CACNB2: variants seen among roughly 807,000 people sequenced by gnomAD.
The protein encoded by CACNB2 is voltage-dependent L-type calcium channel subunit beta-2.
Under a neutral mutation model 73.3 loss-of-function variants are expected in CACNB2, and 42 were observed. The observed-to-expected ratio is 0.57, with a 90% CI of 0.45 to 0.74. CACNB2 has a LOEUF of 0.74. Among genes scored for constraint, CACNB2 ranks in the 30% least tolerant of loss-of-function variants. The pLI is 0.00. For synonymous variants in CACNB2, 348 were observed against 310.3 expected, an observed-to-expected ratio of 1.12 and a Z score of -1.28; for missense variants, 940 against 853.0, an observed-to-expected ratio of 1.10 and a Z score of -1.27.
intron 3 of CACNB2, among the ~76,000 whole-genome samples, chr10:18,469,916 C>A (rs564915789): frequency 6.6e-6 from 1 of 152,228 alleles, no homozygotes; most frequent in East Asian, 1.9e-4. Flanking sequence ...CCAATAAGTC[C>A]TGGGATCTTG....
At chr10:18,144,946 G>C (rs1401449800) in intron 1 of CACNB2, among the ~76,000 whole-genome samples, 1 of 152,160 alleles carries the variant, frequency 6.6e-6, no homozygotes, top group Non-Finnish European at 1.5e-5. Context: ...TTGGGTGAAC[G>C]GGAAGCAGGT....
At chr10:18,340,058 C>T (rs1310843166) in intron 2 of CACNB2, among the ~76,000 whole-genome samples, 1 of 152,124 alleles carries the variant, frequency 6.6e-6, no homozygotes, top group Admixed American at 6.5e-5. Flanking sequence ...AATTTTATCT[C>T]CTATGATTTA....
chr10:18,478,171 A>G (rs2132813904), intron 3 of CACNB2, among the ~76,000 whole-genome samples: 1 of 152,196 alleles, frequency 6.6e-6, no homozygotes, highest in Middle Eastern at 3.4e-3. Flanking sequence ...ACCTAAGTTG[A>G]TCCTCCCACC....
chr10:18,205,965 G>A (rs1167622629), intron 2 of CACNB2, among the ~76,000 whole-genome samples: 1 of 152,034 alleles, frequency 6.6e-6, no homozygotes, highest in Non-Finnish European at 1.5e-5. Flanking sequence ...AGTCTCCCCA[G>A]GCCCTCTCCA....
At chr10:18,329,067 T>C (rs1211688437) in intron 2 of CACNB2, among the ~76,000 whole-genome samples, 1 of 152,190 alleles carries the variant, frequency 6.6e-6, no homozygotes, top group Non-Finnish European at 1.5e-5. Context: ...GGATGCATTA[T>C]TTTCTCGTTT....
intron 2 of CACNB2, among the ~76,000 whole-genome samples, chr10:18,338,199 A>G (rs1396895610): frequency 6.6e-6 from 1 of 152,252 alleles, no homozygotes; most frequent in Non-Finnish European, 1.5e-5. Flanking sequence ...AAATATATAA[A>G]GAACTCACAG....
chr10:18,478,911 C>T (rs1049499301), intron 3 of CACNB2, among the ~76,000 whole-genome samples: 84 of 152,012 alleles, frequency 5.5e-4, no homozygotes, highest in African/African-American at 2.0e-3. Context: ...ATGTGGGGGA[C>T]CTTGAGGCGG....
chr10:18,357,185 C>T (rs977853095), intron 2 of CACNB2, among the ~76,000 whole-genome samples: 3 of 151,418 alleles, frequency 2.0e-5, no homozygotes, highest in Non-Finnish European at 4.4e-5. Context: ...CCTCGTGATC[C>T]GCCCGTCTCG....
At chr10:18,499,393 G>A (rs550710689) in intron 4 of CACNB2, among the ~76,000 whole-genome samples, 6 of 152,034 alleles carry the variant, frequency 3.9e-5, no homozygotes, top group East Asian at 3.9e-4. Flanking sequence ...CAAGGTGGGC[G>A]GATCACAAGG....
At chr10:18,363,703 G>A (rs767073351) in intron 2 of CACNB2, among the ~76,000 whole-genome samples, 3 of 151,948 alleles carry the variant, frequency 2.0e-5, no homozygotes, top group Admixed American at 6.6e-5. Flanking sequence ...TCTGAATTCA[G>A]GTCTTTGTCT....
At chr10:18,227,641 G>A (rs1226356640) in intron 2 of CACNB2, among the ~76,000 whole-genome samples, 4 of 152,180 alleles carry the variant, frequency 2.6e-5, no homozygotes, top group African/African-American at 4.8e-5. Flanking sequence ...CCGCAAGACA[G>A]GCAGATCTCT....
chr10:18,251,869 C>G (rs2037105155), intron 2 of CACNB2, among the ~76,000 whole-genome samples: 1 of 152,118 alleles, frequency 6.6e-6, no homozygotes, highest in South Asian at 2.1e-4. Flanking sequence ...AAATCTGCCC[C>G]CATGATCCAG....
At chr10:18,253,126 C>T (rs1437505025) in intron 2 of CACNB2, among the ~76,000 whole-genome samples, 1 of 152,096 alleles carries the variant, frequency 6.6e-6, no homozygotes, top group East Asian at 1.9e-4. Context: ...ATGAAGGGCT[C>T]ATGGAGTTGT....
chr10:18,220,223 A>AGAGAGGG (rs2035709862), intron 2 of CACNB2, among the ~76,000 whole-genome samples: 4 of 53,558 alleles, frequency 7.5e-5, no homozygotes, highest in East Asian at 7.2e-4. Flanking sequence ...ATATATATAT[A>AGAGAGGG]TATATATATA....
chr10:18,439,150 G>A (rs982395155), intron 3 of CACNB2, among the ~76,000 whole-genome samples: 2 of 152,344 alleles, frequency 1.3e-5, no homozygotes, highest in Admixed American at 6.5e-5. Flanking sequence ...AGTGAAAGTC[G>A]AAGTGGGAGG....
At chr10:18,494,785 T>A (rs1453354552) in intron 3 of CACNB2, among the ~76,000 whole-genome samples, 1 of 152,004 alleles carries the variant, frequency 6.6e-6, no homozygotes, top group Non-Finnish European at 1.5e-5. Flanking sequence ...GTATTTCTAG[T>A]GGTAAAACTG....
At chr10:18,281,784 G>A (rs531923250) in intron 2 of CACNB2, among the ~76,000 whole-genome samples, 21 of 152,114 alleles carry the variant, frequency 1.4e-4, no homozygotes, top group African/African-American at 5.1e-4. Flanking sequence ...TTCGAGACCA[G>A]CCTGGCCAAC....
intron 9 of CACNB2, among the ~76,000 whole-genome samples, chr10:18,526,152 T>C (rs1057364860): frequency 6.6e-6 from 1 of 152,174 alleles, no homozygotes; most frequent in African/African-American, 2.4e-5. Flanking sequence ...GCTAGATAAT[T>C]TACACAGGAA....
intron 6 of CACNB2, among the ~76,000 whole-genome samples, chr10:18,511,752 T>C (rs944325878): frequency 1.6e-4 from 24 of 152,116 alleles, no homozygotes; most frequent in African/African-American, 2.9e-4. Flanking sequence ...CATGACCCCA[T>C]TGAGGATGTG....
Sources: allele counts gnomAD v4.1 joint callset (sites outside exome capture counted in the v4.1 genomes callset), GRCh38; gene constraint gnomAD v4.1.1; transcripts MANE v1.5; gene names NCBI Gene and HGNC (gene_info 2026-07-23, HGNC 2026-07-21).